FSTL5: variants seen among roughly 807,000 people sequenced by gnomAD.
FSTL5 encodes the protein follistatin like 5.
Under a neutral mutation model 89.1 loss-of-function variants are expected in FSTL5, and 62 were observed. The observed-to-expected ratio is 0.70, with a 90% CI of 0.57 to 0.86. The LOEUF (loss-of-function observed/expected upper bound fraction) is 0.86, where lower values mean the gene tolerates loss of function less well. FSTL5 is among the 40% of genes least tolerant of loss of function. The pLI, the probability that FSTL5 is intolerant of heterozygous loss-of-function variation, is 0.00. For synonymous variants in FSTL5, 383 were observed against 346.2 expected, an observed-to-expected ratio of 1.11 and a Z score of -1.18; for missense variants, 1,057 against 1,001.6, an observed-to-expected ratio of 1.06 and a Z score of -0.75.
chr4:161,796,743 A>T (rs2126825358), intron 4 of FSTL5, among the ~76,000 whole-genome samples: 1 of 151,648 alleles, frequency 6.6e-6, no homozygotes, highest in African/African-American at 2.4e-5. Context: ...TTTATTATAC[A>T]TATTTATTAT....
chr4:161,954,323 T>A (rs1296562427), intron 3 of FSTL5, among the ~76,000 whole-genome samples: 3 of 151,596 alleles, frequency 2.0e-5, no homozygotes, highest in African/African-American at 7.2e-5. Flanking sequence ...TCAAAATACA[T>A]GTAAAGCTAT....
intron 6 of FSTL5, among the ~76,000 whole-genome samples, chr4:161,688,759 C>T (rs1737826411): frequency 6.6e-6 from 1 of 151,962 alleles, no homozygotes; most frequent in African/African-American, 2.4e-5. Flanking sequence ...TGAATGGCAT[C>T]TTTCATTATG....
intron 3 of FSTL5, among the ~76,000 whole-genome samples, chr4:162,013,109 A>C (rs1267164706): frequency 6.6e-6 from 1 of 151,870 alleles, no homozygotes; most frequent in Non-Finnish European, 1.5e-5. Flanking sequence ...GCTTGAACCC[A>C]GGAGGTGAAG....
chr4:161,550,554 CTTTT>C (rs1185152355), intron 8 of FSTL5, among the ~76,000 whole-genome samples: 2,448 of 98,926 alleles, frequency 0.025, 61 homozygotes, highest in African/African-American at 0.085. Flanking sequence ...TCAGTAACTT[CTTTT>C]TTATTTATTT....
At chr4:161,792,913 C>T (rs1008026135) in intron 4 of FSTL5, among the ~76,000 whole-genome samples, 4 of 152,214 alleles carry the variant, frequency 2.6e-5, no homozygotes, top group Admixed American at 2.0e-4. Context: ...CCACTTGCCA[C>T]GTTGCTGGTG....
rs534344193 is a variant in FSTL5, at chr4:161,638,634, C to T, written c.894+17694G>A. Among the ~76,000 whole-genome samples the T allele has an allele frequency of 1.0e-3, 144 of 142,854 alleles. 1 individual carries two copies. The highest frequency in any genetic ancestry group is 1.6e-3 in the Non-Finnish European group (106 of 66,092). 93.7% of individuals were successfully genotyped at this position (142,854 alleles called of 152,430 possible). On this transcript the variant is annotated intron_variant, in intron 7 of 15. Coordinates refer to ENST00000306100, the MANE Select transcript of FSTL5 (RefSeq NM_020116.5). ...ATCAATAGAAAAAGAGGGAATCCTCCCTAACTCATTTTATGAGGCCAGCAT... is the reference window on the plus strand; with the variant it reads ...ATCAATAGAAAAAGAGGGAATCCTCTCTAACTCATTTTATGAGGCCAGCAT...
chr4:161,852,279 T>C (rs1302453954), intron 4 of FSTL5, among the ~76,000 whole-genome samples: 2 of 152,140 alleles, frequency 1.3e-5, no homozygotes, highest in Non-Finnish European at 2.9e-5. Context: ...TTAAAAATGA[T>C]AGAATTTACT....
intron 4 of FSTL5, among the ~76,000 whole-genome samples, chr4:161,915,382 T>C (rs569437335): frequency 7.9e-5 from 12 of 151,964 alleles, no homozygotes; most frequent in African/African-American, 2.9e-4. Flanking sequence ...GTAACATTTG[T>C]TGAATAGTCC....
chr4:161,916,402 A>G (rs539422046), intron 4 of FSTL5, among the ~76,000 whole-genome samples: 1 of 152,306 alleles, frequency 6.6e-6, no homozygotes, highest in African/African-American at 2.4e-5. Context: ...GTGAAAGGAA[A>G]TTGTACTTGC....
At chr4:161,972,865 A>G (rs1050409153) in intron 3 of FSTL5, among the ~76,000 whole-genome samples, 2 of 152,188 alleles carry the variant, frequency 1.3e-5, no homozygotes, top group Non-Finnish European at 2.9e-5. Context: ...TTTTAATAGC[A>G]TCTCCTCTGA....
chr4:161,872,520 T>C (rs993503948), intron 4 of FSTL5, among the ~76,000 whole-genome samples: 16 of 152,174 alleles, frequency 1.1e-4, no homozygotes, highest in African/African-American at 3.9e-4. Flanking sequence ...GCTATATTGA[T>C]AGTATTCAAC....
intron 4 of FSTL5, among the ~76,000 whole-genome samples, chr4:161,864,916 G>A (rs1444310831): frequency 2.0e-5 from 3 of 149,652 alleles, no homozygotes; most frequent in Non-Finnish European, 4.4e-5. Context: ...AATAATGAGT[G>A]CAATTCTGAC....
intron 4 of FSTL5, among the ~76,000 whole-genome samples, chr4:161,836,896 G>A (rs957469354): frequency 2.6e-5 from 4 of 152,002 alleles, no homozygotes; most frequent in Non-Finnish European, 4.4e-5. Flanking sequence ...AGTGGATGTT[G>A]ACTTCATTCT....
intron 15 of FSTL5, among the ~76,000 whole-genome samples, chr4:161,416,573 G>C (rs1731790407): frequency 6.6e-6 from 1 of 152,128 alleles, no homozygotes; most frequent in South Asian, 2.1e-4. Flanking sequence ...GGCCAGGCGT[G>C]GTGGCTCACA....
At chr4:161,460,312 A>G (rs1640952571) in intron 13 of FSTL5, among the ~76,000 whole-genome samples, 3 of 151,342 alleles carry the variant, frequency 2.0e-5, no homozygotes, top group South Asian at 4.2e-4. Flanking sequence ...ATATGTATAC[A>G]TGTGCCATGT....
chr4:162,058,814 T>C (rs1463339892), intron 2 of FSTL5, among the ~76,000 whole-genome samples: 1 of 152,130 alleles, frequency 6.6e-6, no homozygotes, highest in Non-Finnish European at 1.5e-5. Context: ...AAGGAGGATA[T>C]AGTACTTGCT....
At chr4:161,821,650 T>C (rs894425124) in intron 4 of FSTL5, among the ~76,000 whole-genome samples, 2 of 152,206 alleles carry the variant, frequency 1.3e-5, no homozygotes, top group African/African-American at 2.4e-5. Flanking sequence ...CTCCCACTTA[T>C]GAGTGAGAAC....
intron 10 of FSTL5, among the ~76,000 whole-genome samples, chr4:161,533,553 A>C (rs2126533557): frequency 6.6e-6 from 1 of 152,224 alleles, no homozygotes; most frequent in East Asian, 1.9e-4. Context: ...TAGACCAATA[A>C]GTTTGGAAAT....
intron 2 of FSTL5, among the ~76,000 whole-genome samples, chr4:162,063,838 T>C (rs1055058990): frequency 6.6e-6 from 1 of 151,978 alleles, no homozygotes; most frequent in Non-Finnish European, 1.5e-5. Flanking sequence ...AAGATATTCT[T>C]GCTACTTATA....
Sources: gnomAD v4.1 joint callset for allele counts (sites outside exome capture counted in the v4.1 genomes callset) on GRCh38, gnomAD v4.1.1 for gene constraint, MANE v1.5 for transcripts, NCBI Gene and HGNC (gene_info 2026-07-23, HGNC 2026-07-21) for gene names.